Variants in BRF1 observed in about 807,000 individuals in gnomAD.
The protein encoded by BRF1 is transcription factor IIIB 90 kDa subunit.
A neutral mutation model predicts 81.7 loss-of-function variants in BRF1; 59 were observed. The observed-to-expected ratio is 0.72, with a 90% CI of 0.59 to 0.90. BRF1 has a LOEUF of 0.90. Ranked by LOEUF, BRF1 falls within the 40% of genes least tolerant of loss-of-function variation. The pLI is 0.00. For synonymous variants in BRF1, 491 were observed against 395.6 expected, an observed-to-expected ratio of 1.24 and a Z score of -2.86; for missense variants, 1,050 against 936.3, an observed-to-expected ratio of 1.12 and a Z score of -1.58.
intron 3 of BRF1, among the ~76,000 whole-genome samples, chr14:105,257,932 A>G (rs1042709895): frequency 2.0e-5 from 3 of 152,208 alleles, no homozygotes; most frequent in Non-Finnish European, 4.4e-5. Flanking sequence ...AGGACGCTGC[A>G]GCTCTGCACC....
intron 2 of BRF1, among the ~76,000 whole-genome samples, chr14:105,277,927 T>C (rs1313266204): frequency 1.3e-5 from 2 of 152,112 alleles, no homozygotes; most frequent in Admixed American, 1.3e-4. Context: ...GCTAATTTTT[T>C]GTATTTTTAG....
chr14:105,299,742 G>C (rs997188828), intron 1 of BRF1, among the ~76,000 whole-genome samples: 3 of 152,140 alleles, frequency 2.0e-5, no homozygotes, highest in Non-Finnish European at 1.5e-5. Context: ...TAAAAACATC[G>C]ACAACACCAA....
intron 1 of BRF1, among the ~76,000 whole-genome samples, chr14:105,312,773 C>G (rs149314032): frequency 3.3e-5 from 5 of 152,346 alleles, no homozygotes; most frequent in Non-Finnish European, 7.3e-5. Flanking sequence ...AGACCACAGT[C>G]CCATCACCAC....
chr14:105,294,971 G>A (rs960854115), intron 1 of BRF1, among the ~76,000 whole-genome samples: 2 of 152,156 alleles, frequency 1.3e-5, no homozygotes, highest in Admixed American at 6.5e-5. Context: ...AAAGCTTTGG[G>A]ACCAGATGGC....
Position 105,211,199 on chromosome 14 carries a change from T to G in BRF1, c.1919A>C (p.Glu640Ala). 1.2e-6 allele frequency: 2 copies of G among 1,612,126 alleles called. No individual in the cohort carries two copies. The highest frequency in any genetic ancestry group is 1.7e-6 in the Non-Finnish European group (2 of 1,179,870). The change falls in exon 17 of 18, where the codon GAG becomes GCG. Residue 640 changes from glutamate (E) to alanine (A), a missense_variant. By Grantham distance (107) the Glu-to-Ala change is moderately radical (BLOSUM62 -1). Around this residue, in one of 2 missense-constraint regions of BRF1, gnomAD observed 1,043 missense variants for 915.4 expected, o/e 1.14. Transcript: ENST00000547530. ...ESGPVSYHADEEADEEEPDEE... is the reference protein window; with the variant it reads ...ESGPVSYHADAEADEEEPDEE... ...GTCAGGCTCCTCCTCGTCAGCCTCC[T>G]CGTCGGCGTGGTATGACACGGGCCC...
chr14:105,229,685 A>G (rs1375595716), intron 6 of BRF1, among the ~76,000 whole-genome samples: 1 of 147,100 alleles, frequency 6.8e-6, no homozygotes, highest in Non-Finnish European at 1.5e-5. Flanking sequence ...CAGGAGCAAC[A>G]ACCTAGCATC....
chr14:105,314,147 T>C (rs1479873076), intron 1 of BRF1, among the ~76,000 whole-genome samples: 1 of 151,808 alleles, frequency 6.6e-6, no homozygotes, highest in Non-Finnish European at 1.5e-5. Context: ...GCCACCTCCT[T>C]GCCACCTCCC....
rs587643209 is a variant in BRF1 at position 105,271,420 on chromosome 14, C to T, written c.439+1301G>A. On this transcript the variant is annotated intron_variant, in intron 3 of 17. Transcript: ENST00000547530. This position sits in a 1 kb window ranked among gnomAD's most constrained non-coding sequence, Gnocchi z 5.5. ...AGTGAGAATGCTGGAGGCAAGGCGA[C>T]GGCAGGGGCGCAGGCTGGGAGGCAG... 4.6e-5 allele frequency among the ~76,000 whole-genome samples: 7 copies of T among 152,358 alleles called. No individual in the cohort carries two copies. In the South Asian group the frequency reaches 8.3e-4, roughly 18 times the overall value.
In BRF1 at chr14:105,219,056, A is replaced by G. The variant is rs750463149; in HGVS notation, c.1460-3T>C. On this transcript the variant is annotated splice_region_variant and splice_polypyrimidine_tract_variant and intron_variant, in intron 13 of 17. Coordinates refer to ENST00000547530, the MANE Select transcript of BRF1 (RefSeq NM_001519.4). ...TTTCGCTATTCTTGCTTCTTTTTCT[A>G]AAAGTTCAGAAAGGGGGCCAGCGTC... is the stretch of plus-strand genomic sequence containing the variant. The G allele has an allele frequency of 1.2e-5, 20 of 1,613,620 alleles. No individual in the cohort carries two copies. Among genetic ancestry groups the G allele is most frequent in the Non-Finnish European group, 1.7e-5 (20 of 1,179,992 alleles).
At chr14:105,306,284 T>G (rs959756322) in intron 1 of BRF1, among the ~76,000 whole-genome samples, 2 of 151,122 alleles carry the variant, frequency 1.3e-5, no homozygotes, top group East Asian at 3.9e-4. Context: ...CTTTTGTTTT[T>G]GGGTTTGTTT....
chr14:105,218,589 G>T (rs1000874476), intron 14 of BRF1, among the ~76,000 whole-genome samples: 1 of 152,192 alleles, frequency 6.6e-6, no homozygotes, highest in Non-Finnish European at 1.5e-5. Flanking sequence ...GGCACATTCC[G>T]CCAGAGAGTA....
chr14:105,314,049 G>A (rs2058435829), intron 1 of BRF1, among the ~76,000 whole-genome samples: 1 of 152,274 alleles, frequency 6.6e-6, no homozygotes, highest in Non-Finnish European at 1.5e-5. Flanking sequence ...CAAAGAGGGC[G>A]CCCGGGGTCA....
intron 15 of BRF1, chr14:105,212,389 C>G (rs1890260120): frequency 1.8e-6 from 1 of 559,454 alleles, no homozygotes; most frequent in African/African-American, 1.9e-5. Flanking sequence ...GCACTCGACA[C>G]AAACACAGAA....
chr14:105,242,982 G>A (rs1247205674), intron 5 of BRF1, among the ~76,000 whole-genome samples: 1 of 151,738 alleles, frequency 6.6e-6, no homozygotes, highest in African/African-American at 2.4e-5. Flanking sequence ...TGGGCGTGGT[G>A]GTGCACGCCT....
At position 105,269,561 on chromosome 14, in the gene BRF1, G is replaced by A. The variant is rs978174624; in HGVS notation, c.439+3160C>T. ...GATGCTGCCACTGTGAGCACTGTGC[G>A]TGAGCCTCGGTGGGGACACAGGTAC... On this transcript the variant is annotated intron_variant, in intron 3 of 17. Transcript: ENST00000547530. This position sits in a 1 kb window ranked among gnomAD's most constrained non-coding sequence, Gnocchi z 5.0. Among the ~76,000 whole-genome samples the A allele has an allele frequency of 6.6e-6, 1 of 152,168 alleles. No homozygotes were observed. The highest frequency in any genetic ancestry group is 6.5e-5 in the Admixed American group (1 of 15,276).
At chr14:105,247,220 C>A (rs1174903051) in intron 5 of BRF1, 1 of 985,334 alleles carries the variant, frequency 1.0e-6, no homozygotes, top group African/African-American at 1.7e-5. Context: ...TCTCTCGGAA[C>A]TTTCCGGACT....
intron 3 of BRF1, among the ~76,000 whole-genome samples, chr14:105,262,476 G>A (rs989228143): frequency 1.3e-5 from 2 of 152,188 alleles, no homozygotes; most frequent in Non-Finnish European, 2.9e-5. Context: ...CTAAATCCCT[G>A]AGCCACTGCT....
rs1467061451 is a variant in BRF1, at chr14:105,219,899, T to G, written c.1377+170A>C. 1.1e-5 allele frequency: 8 copies of G among 705,480 alleles called. No homozygotes were observed. The African/African-American group carries it at 1.3e-4, about 11-fold the overall frequency. The allele number at this position is 705,480 out of a possible 1,614,324, so 43.7% of individuals were successfully genotyped here. On this transcript the variant is annotated intron_variant, in intron 12 of 17. Coordinates refer to ENST00000547530, the MANE Select transcript of BRF1 (RefSeq NM_001519.4). The stretch of plus-strand genomic sequence containing the variant: ...CCCGAGCCGACACTGGAGAAGAGAG[T>G]GTGGGGGGGGGTCCCGGGAACAGTG...
intron 2 of BRF1, among the ~76,000 whole-genome samples, chr14:105,273,510 G>A (rs1216136752): frequency 1.3e-5 from 2 of 152,174 alleles, no homozygotes; most frequent in African/African-American, 4.8e-5. Context: ...CTGTGTCTAT[G>A]CAGAAAGGGA....
Sources: gnomAD v4.1 joint callset for allele counts (sites outside exome capture counted in the v4.1 genomes callset) on GRCh38, gnomAD v4.1.1 for gene constraint, gnomAD v4.1.1 regional missense constraint, Gnocchi (gnomAD v3.1) non-coding constraint, MANE v1.5 for transcripts, NCBI Gene and HGNC (gene_info 2026-07-23, HGNC 2026-07-21) for gene names.